LINS1: variants seen among roughly 807,000 people sequenced by gnomAD.
LINS1 encodes the protein protein Lines homolog 1.
In LINS1, 27 loss-of-function variants were observed where a neutral mutation model predicts 41.6. That is an observed-to-expected ratio of 0.65 (90% CI 0.48 to 0.89). The LOEUF is 0.89. Among genes scored for constraint, LINS1 ranks in the 40% least tolerant of loss-of-function variants. The pLI, the probability that LINS1 is intolerant of heterozygous loss-of-function variation, is 0.00. For missense variants in LINS1, 955 were observed against 884.1 expected (o/e 1.08, Z -1.02); for synonymous variants, 336 against 312.9 (o/e 1.07, Z -0.78).
chr15:100,580,260 T>G lies in LINS1; in HGVS notation c.489+3A>C. 1 of 1,581,074 alleles carries G rather than the reference T, an allele frequency of 6.3e-7. No homozygotes were observed. The highest frequency in any genetic ancestry group is 8.7e-7 in the Non-Finnish European group (1 of 1,151,262). ...AATAACATACTTTGATTACTTATCT[T>G]ACCTTTTCTCTCAATTGGAAATATA... On this transcript the variant is annotated splice_donor_region_variant and intron_variant, in intron 3 of 6. Coordinates refer to ENST00000314742, the MANE Select transcript of LINS1 (RefSeq NM_001040616.3).
rs953442496 is a variant in LINS1, at chr15:100,572,804, T to C, written c.1223-739A>G. ...GAGTTACTATTCTGGAAATTATATA[T>C]GTAACAATTTCTTTGTCAATATAAC... On this transcript the variant is annotated intron_variant, in intron 5 of 6. Coordinates refer to ENST00000314742, the MANE Select transcript of LINS1 (RefSeq NM_001040616.3). The C allele has an allele frequency of 3.2e-6, 3 of 942,066 alleles. No homozygotes were observed. The Admixed American group carries it at 1.8e-4, about 58-fold the overall frequency. The allele number at this position is 942,066 out of a possible 1,614,324, so 58.4% of individuals were successfully genotyped here. A position where few individuals can be genotyped will look rare whatever the true frequency, so the allele number is the denominator to read the frequency against.
rs539881656 is a variant in LINS1 at position 100,573,408 on chromosome 15, C to G, written c.1222+243G>C. ...TTACTTTGAGATGACTCAACAGCAACTTTTTTAAACCTAAATCATTCCTTA... is the reference window on the plus strand; with the variant it reads ...TTACTTTGAGATGACTCAACAGCAAGTTTTTTAAACCTAAATCATTCCTTA... On this transcript the variant is annotated intron_variant, in intron 5 of 6. Coordinates refer to ENST00000314742, the MANE Select transcript of LINS1 (RefSeq NM_001040616.3). The G allele has an allele frequency of 2.0e-5, 23 of 1,169,224 alleles. No homozygotes were observed. In the African/African-American group the frequency reaches 3.5e-4, roughly 18 times the overall value. 72.4% of individuals were successfully genotyped at this position (1,169,224 alleles called of 1,614,324 possible).
At chr15:100,587,802 T>C (rs191013167) in intron 1 of LINS1, among the ~76,000 whole-genome samples, 130 of 152,350 alleles carry the variant, frequency 8.5e-4, no homozygotes, top group Admixed American at 1.8e-3. Flanking sequence ...GTCTTGATTA[T>C]ACTTTTGTAA....
chr15:100,570,597 A>G (rs932556374), intron 6 of LINS1: 4 of 154,446 alleles, frequency 2.6e-5, no homozygotes, highest in East Asian at 1.9e-4. Flanking sequence ...ATGGAAGATT[A>G]TAACTGTAAG....
chr15:100,573,493 TTC>T (rs1205599727), intron 5 of LINS1, 156 bp downstream of exon 5: 13 of 816,694 alleles, frequency 1.6e-5, no homozygotes, highest in Non-Finnish European at 2.2e-5. Context: ...GTAAATCCAG[TTC>T]TTTTTTTTTT....
In LINS1 at chr15:100,569,655, G is replaced by T. The variant is rs1444986350; in HGVS notation, c.1857C>A (p.Ser619=). 1 of 1,613,346 alleles carries T rather than the reference G, an allele frequency of 6.2e-7. No individual in the cohort carries two copies. Among genetic ancestry groups the T allele is most frequent in the Non-Finnish European group, 8.5e-7 (1 of 1,179,436 alleles). ...CTACCAGACTTTGAGAGGCCCGGGG[G>T]GAAGACAGACTAGAAGCACACATGG... The part of the protein sequence containing the change: ...AHTMCASSLS[S]PRASQSLVDY... Residue 619 remains serine, a synonymous_variant, in exon 7 of 7, where the codon TCC becomes TCA. Coordinates refer to ENST00000314742, the MANE Select transcript of LINS1 (RefSeq NM_001040616.3).
intron 6 of LINS1, 60 bp downstream of exon 6, chr15:100,571,834 A>G: frequency 6.3e-7 from 1 of 1,587,840 alleles, no homozygotes; most frequent in Non-Finnish European, 8.6e-7. Context: ...ACATTCTCAG[A>G]AATGTTTTCT....
At chr15:100,577,599 C>T (rs979840834) in intron 3 of LINS1, among the ~76,000 whole-genome samples, 3 of 152,272 alleles carry the variant, frequency 2.0e-5, no homozygotes, top group Non-Finnish European at 4.4e-5. Flanking sequence ...CCATACTGCC[C>T]AAGGTAGTTT....
At chr15:100,600,390 G>GT (rs1355660185) in intron 1 of LINS1, among the ~76,000 whole-genome samples, 1 of 152,020 alleles carries the variant, frequency 6.6e-6, no homozygotes, top group African/African-American at 2.4e-5. Flanking sequence ...GTTTGATTAT[G>GT]TGACACCTAG....
chr15:100,588,318 G>C (rs1203354067), intron 1 of LINS1, among the ~76,000 whole-genome samples: 1 of 152,284 alleles, frequency 6.6e-6, no homozygotes, highest in East Asian at 1.9e-4. Flanking sequence ...CCTGGGTTTA[G>C]GGTTCAATTC....
rs1052452312 is a variant in LINS1 at position 100,584,767 on chromosome 15, A to G, written c.-103-3822T>C. On this transcript the variant is annotated intron_variant, in intron 1 of 6. Coordinates refer to ENST00000314742, the MANE Select transcript of LINS1 (RefSeq NM_001040616.3). Reference sequence around the variant, plus strand: ...ACATTATCTACCTGGGGATACCATCAGATCACACAGACTGAAGACTGAGCC... The same window carrying G: ...ACATTATCTACCTGGGGATACCATCGGATCACACAGACTGAAGACTGAGCC... Among the ~76,000 whole-genome samples the G allele has an allele frequency of 2.2e-4, 33 of 152,304 alleles. 1 individual carries two copies. Among genetic ancestry groups the G allele is most frequent in the African/African-American group, 7.7e-4 (32 of 41,558 alleles).
rs1394956097 is a variant in LINS1, at chr15:100,566,924, T to C, written c.*2314A>G. The C allele has an allele frequency of 6.6e-6, 1 of 152,212 alleles. No individual in the cohort carries two copies. Among genetic ancestry groups the C allele is most frequent in the Non-Finnish European group, 1.5e-5 (1 of 68,042 alleles). 9.4% of individuals were successfully genotyped at this position (152,212 alleles called of 1,614,324 possible). A position where few individuals can be genotyped will look rare whatever the true frequency, so the allele number is the denominator to read the frequency against. On this transcript the variant is annotated 3_prime_UTR_variant, in exon 7 of 7. Transcript: ENST00000314742. ...AGTCAAAACCACATCTGCATAAGCA[T>C]GAGTTATAATGCATTCAACATTTAT...
In LINS1 at chr15:100,569,948, C is replaced by A. The variant is rs1333351122; in HGVS notation, c.1564G>T (p.Glu522Ter). 1.3e-6 allele frequency: 2 copies of A among 1,589,392 alleles called. No individual in the cohort carries two copies. The highest frequency in any genetic ancestry group is 1.8e-5 in the Admixed American group (1 of 56,996). The part of the protein sequence containing the change: ...FLISSETCFL[E>*]YFVRYLKLLQ... ...AATTTTAAATATCTAACAAAATATT[C>A]AAGAAAACAGGTTTCTGATGAAATC... Residue 522 changes from glutamate (E) to a stop codon, truncating the protein, a stop_gained, in exon 7 of 7, where the codon GAA becomes TAA. Transcript: ENST00000314742. LOFTEE classifies it low-confidence loss of function (END_TRUNC).
chr15:100,581,072 T>A (rs1451621972), intron 1 of LINS1, 127 bp from the exon 2 acceptor site: 1 of 463,886 alleles, frequency 2.2e-6, no homozygotes, highest in African/African-American at 2.0e-5. Context: ...ATTTCTAAAA[T>A]GGAAAATTGT....
rs1333049569 is a variant in LINS1 at position 100,580,586 on chromosome 15, C to T, written c.257G>A (p.Arg86Lys). The T allele has an allele frequency of 6.2e-7, 1 of 1,613,956 alleles. No individual in the cohort carries two copies. Among genetic ancestry groups the T allele is most frequent in the Non-Finnish European group, 8.5e-7 (1 of 1,179,978 alleles). ...TGTTAACTGAAGGAGCATTACTTCT[C>T]TGGAACCGCTCATCTGAGAGTTGGT... is the stretch of plus-strand genomic sequence containing the variant. Reference protein sequence around the residue: ...LKTNSQMSGSREVMLLQLTVI... With the variant: ...LKTNSQMSGSKEVMLLQLTVI... The change falls in exon 2 of 7, where the codon AGA becomes AAA. Residue 86 changes from arginine (R) to lysine (K), a missense_variant. Arg to Lys is a conservative substitution (Grantham distance 26). Transcript: ENST00000314742.
rs1284079660 is a variant in LINS1 at position 100,566,979 on chromosome 15, T to C, written c.*2259A>G. 6.6e-6 allele frequency: 1 copy of C among 152,210 alleles called. No homozygotes were observed. Among genetic ancestry groups the C allele is most frequent in the Non-Finnish European group, 1.5e-5 (1 of 68,040 alleles). The allele number at this position is 152,210 out of a possible 1,614,324, so 9.4% of individuals were successfully genotyped here. ...CCTTAGGAACAAGAGTCGATTTTTT[T>C]TTCCCAGTTATTTCCATCAAAAAAC... On this transcript the variant is annotated 3_prime_UTR_variant, in exon 7 of 7. Transcript: ENST00000314742.
Position 100,568,953 on chromosome 15 carries a change from G to T in LINS1, c.*285C>A, listed in dbSNP as rs1408594084. On this transcript the variant is annotated 3_prime_UTR_variant, in exon 7 of 7. Transcript: ENST00000314742. ...AGCCTGGCAACATGGTGAAACCCCCGTCTCTACTAAAAATACAAAAATTAG... is the reference window on the plus strand; with the variant it reads ...AGCCTGGCAACATGGTGAAACCCCCTTCTCTACTAAAAATACAAAAATTAG... 2.2e-5 allele frequency: 6 copies of T among 276,442 alleles called. No individual in the cohort carries two copies. Among genetic ancestry groups the T allele is most frequent in the Non-Finnish European group, 4.2e-5 (6 of 143,992 alleles). 17.1% of individuals were successfully genotyped at this position (276,442 alleles called of 1,614,324 possible). A position where few individuals can be genotyped will look rare whatever the true frequency, so the allele number is the denominator to read the frequency against.
chr15:100,589,523 C>T (rs2038944515), intron 1 of LINS1, among the ~76,000 whole-genome samples: 1 of 152,208 alleles, frequency 6.6e-6, no homozygotes, highest in African/African-American at 2.4e-5. Flanking sequence ...ATTAATTAAG[C>T]ATGGACTCAT....
intron 5 of LINS1, chr15:100,572,382 T>G (rs113644324): frequency 1.7e-5 from 20 of 1,172,408 alleles, no homozygotes; most frequent in Non-Finnish European, 2.0e-5. Flanking sequence ...GATAAATAAA[T>G]GAGCAGACAA....
Sources: allele counts gnomAD v4.1 joint callset (sites outside exome capture counted in the v4.1 genomes callset), GRCh38; gene constraint gnomAD v4.1.1; transcripts MANE v1.5; gene names NCBI Gene and HGNC (gene_info 2026-07-23, HGNC 2026-07-21).